The following TMEFF2 variants were observed in gnomAD, a reference collection of about 807,000 sequenced individuals.
TMEFF2 encodes the protein tomoregulin-2.
In TMEFF2, 28 loss-of-function variants were observed where a neutral mutation model predicts 53.8. The observed-to-expected ratio is 0.52, with a 90% CI of 0.39 to 0.71. The LOEUF is 0.71. TMEFF2 is among the 30% of genes least tolerant of loss of function. The probability of loss-of-function intolerance (pLI) is 0.00; values close to 1 mark genes in which losing one functional copy is unlikely to be tolerated. For missense variants in TMEFF2, 353 were observed against 455.2 expected (o/e 0.78, Z 2.04); for synonymous variants, 162 against 166.3 (o/e 0.97, Z 0.20).
At chr2:192,142,484 C>A (rs558704396) in intron 4 of TMEFF2, among the ~76,000 whole-genome samples, 2 of 151,730 alleles carry the variant, frequency 1.3e-5, no homozygotes, top group Non-Finnish European at 2.9e-5. Context: ...GATTGGCAAA[C>A]GATGGGAGTA....
chr2:192,054,683 T>C (rs1171571514), intron 5 of TMEFF2, among the ~76,000 whole-genome samples: 1 of 152,152 alleles, frequency 6.6e-6, no homozygotes, highest in African/African-American at 2.4e-5. Context: ...CTGCCTGCAA[T>C]CTGGCCATCT....
intron 7 of TMEFF2, among the ~76,000 whole-genome samples, chr2:191,975,873 C>T (rs1685712781): frequency 6.6e-6 from 1 of 152,178 alleles, no homozygotes; most frequent in Non-Finnish European, 1.5e-5. Flanking sequence ...GAATTGGACC[C>T]ATACAAGCCC....
At chr2:191,981,909 A>G (rs576097779) in intron 7 of TMEFF2, among the ~76,000 whole-genome samples, 4 of 152,166 alleles carry the variant, frequency 2.6e-5, no homozygotes, top group Non-Finnish European at 5.9e-5. Context: ...TTGCTTTGTT[A>G]TATCTGCCGC....
At chr2:192,158,545 A>G (rs1030525093) in intron 4 of TMEFF2, among the ~76,000 whole-genome samples, 6 of 152,176 alleles carry the variant, frequency 3.9e-5, no homozygotes, top group African/African-American at 1.4e-4. Context: ...AGAATATCAC[A>G]AACCCATGTA....
At chr2:192,107,451 G>A (rs1689174988) in intron 4 of TMEFF2, among the ~76,000 whole-genome samples, 1 of 151,610 alleles carries the variant, frequency 6.6e-6, no homozygotes, top group Non-Finnish European at 1.5e-5. Flanking sequence ...AATTTACCAA[G>A]GAGAATGTTT....
chr2:192,164,163 A>G (rs1690698063), intron 4 of TMEFF2, among the ~76,000 whole-genome samples: 1 of 152,174 alleles, frequency 6.6e-6, no homozygotes, highest in Non-Finnish European at 1.5e-5. Context: ...GATGCAATGA[A>G]TAAATTCCAA....
At chr2:191,965,231 T>A (rs1462994894) in intron 7 of TMEFF2, among the ~76,000 whole-genome samples, 1 of 152,154 alleles carries the variant, frequency 6.6e-6, no homozygotes, top group African/African-American at 2.4e-5. Flanking sequence ...ACTCATCAGA[T>A]CCTTCTCCCA....
intron 7 of TMEFF2, among the ~76,000 whole-genome samples, chr2:191,983,391 C>CTT (rs11396477): frequency 0.21 from 30,710 of 144,274 alleles, 3,398 homozygotes; most frequent in Middle Eastern, 0.27. Flanking sequence ...GCATCTTAGC[C>CTT]TTTTTTTTTT....
chr2:192,070,241 A>T (rs1688265134), intron 4 of TMEFF2, among the ~76,000 whole-genome samples: 1 of 151,676 alleles, frequency 6.6e-6, no homozygotes, highest in Non-Finnish European at 1.5e-5. Flanking sequence ...AACAATAATA[A>T]ATCCAAGAAG....
chr2:191,963,675 G>T (rs1192583310), intron 7 of TMEFF2, among the ~76,000 whole-genome samples: 1 of 152,188 alleles, frequency 6.6e-6, no homozygotes, highest in Admixed American at 6.5e-5. Flanking sequence ...TTTATTATAT[G>T]AATATTTCTT....
intron 5 of TMEFF2, among the ~76,000 whole-genome samples, chr2:192,056,116 T>G (rs1559106417): frequency 1.3e-5 from 2 of 152,214 alleles, no homozygotes; most frequent in Non-Finnish European, 2.9e-5. Flanking sequence ...TTAATTTTTT[T>G]TCTTCATTTT....
chr2:192,034,738 C>T (rs1308073838), intron 5 of TMEFF2: 2 of 152,176 alleles, frequency 1.3e-5, no homozygotes, highest in African/African-American at 2.4e-5. Flanking sequence ...ACTGTTCTCT[C>T]GATTTTCTGA....
intron 5 of TMEFF2, among the ~76,000 whole-genome samples, chr2:192,035,774 ATTCTACTTGGTTCTGCC>A (rs1420761845): frequency 6.6e-6 from 1 of 152,178 alleles, no homozygotes; most frequent in African/African-American, 2.4e-5. Flanking sequence ...CCTACTGGGC[ATTCTACTTGGTTCTGCC>A]TTTTATCAGC....
At chr2:192,064,010 G>A (rs940340028) in intron 4 of TMEFF2, among the ~76,000 whole-genome samples, 2 of 151,708 alleles carry the variant, frequency 1.3e-5, no homozygotes, top group African/African-American at 4.8e-5. Flanking sequence ...TTTAATCAGC[G>A]TGTTTAGTCC....
intron 7 of TMEFF2, among the ~76,000 whole-genome samples, chr2:191,983,072 A>G (rs1685891495): frequency 6.6e-6 from 1 of 152,156 alleles, no homozygotes; most frequent in South Asian, 2.1e-4. Flanking sequence ...ACTGTCTCCT[A>G]TTTGACAGTT....
chr2:192,172,437 C>T (rs1367232755), intron 4 of TMEFF2, among the ~76,000 whole-genome samples: 1 of 151,970 alleles, frequency 6.6e-6, no homozygotes, highest in Admixed American at 6.6e-5. Context: ...TGGCCAGTAG[C>T]CTGGCTAGTA....
At chr2:192,092,348 A>T (rs561979531) in intron 4 of TMEFF2, among the ~76,000 whole-genome samples, 2 of 152,274 alleles carry the variant, frequency 1.3e-5, no homozygotes, top group African/African-American at 4.8e-5. Context: ...CCATATGAGA[A>T]TTTACATTTA....
intron 4 of TMEFF2, among the ~76,000 whole-genome samples, chr2:192,139,870 G>A (rs145200944): frequency 9.1e-4 from 138 of 152,254 alleles, no homozygotes; most frequent in African/African-American, 3.2e-3. Flanking sequence ...CTACTTTAGG[G>A]ATTCTAATTG....
chr2:192,123,672 A>G lies in TMEFF2; in HGVS notation c.439+55996T>C, dbSNP rs571407231. On this transcript the variant is annotated intron_variant, in intron 4 of 9. Transcript: ENST00000272771. ...CTTAATGTAAAGTTTCAACATCTGT[A>G]TCAGTTGCTATTCTCAACTAAAACT... Among the ~76,000 whole-genome samples, 3 of 152,362 alleles carry G rather than the reference A, an allele frequency of 2.0e-5. No individual in the cohort carries two copies. In the South Asian group the frequency reaches 6.2e-4, roughly 32 times the overall value.
Sources: gnomAD v4.1 joint callset for allele counts (sites outside exome capture counted in the v4.1 genomes callset) on GRCh38, gnomAD v4.1.1 for gene constraint, MANE v1.5 for transcripts, NCBI Gene and HGNC (gene_info 2026-07-23, HGNC 2026-07-21) for gene names.